ACCSL: variants seen among roughly 807,000 people sequenced by gnomAD.
ACCSL encodes the protein 1-aminocyclopropane-1-carboxylate synthase homolog (inactive) like, also known as probable inactive 1-aminocyclopropane-1-carboxylate synthase-like protein 2.
ACCSL carries 55 observed loss-of-function variants against 61.7 expected under a neutral mutation model. That is an observed-to-expected ratio of 0.89 (90% CI 0.72 to 1.12). The LOEUF (loss-of-function observed/expected upper bound fraction) is 1.12. ACCSL is among the 50% of genes most tolerant of loss of function. The pLI, the probability that ACCSL is intolerant of heterozygous loss-of-function variation, is 0.00. For synonymous variants in ACCSL, 258 were observed against 264.3 expected (o/e 0.98, Z 0.23); for missense variants, 632 against 698.0 (o/e 0.91, Z 1.07).
chr11:43,944,030 C>A, the ACCSL span: 1 of 438,812 alleles, frequency 2.3e-6, no homozygotes, highest in Non-Finnish European at 3.9e-6. Flanking sequence ...AACGAGGTTG[C>A]GCCACCGGTG....
chr11:43,925,719 C>T, the ACCSL span, among the ~76,000 whole-genome samples: 1 of 152,078 alleles, frequency 6.6e-6, no homozygotes, highest in Non-Finnish European at 1.5e-5. Flanking sequence ...TGGAAGGAGC[C>T]TAGGCTTCAG....
the ACCSL span, among the ~76,000 whole-genome samples, chr11:44,025,137 G>A: frequency 1.3e-5 from 2 of 151,992 alleles, no homozygotes. Flanking sequence ...CCTTTTGCTT[G>A]GAGTATTTAA....
At chr11:44,049,916 G>C in intron 1 of ACCSL, 146 bp from the exon 2 acceptor site, 2 of 1,080,238 alleles carry the variant, frequency 1.9e-6, no homozygotes, top group South Asian at 2.7e-5. Flanking sequence ...TGGGTTCATG[G>C]AAAGCTTTCC....
the ACCSL span, among the ~76,000 whole-genome samples, chr11:44,014,029 C>T: frequency 2.0e-5 from 3 of 152,202 alleles, no homozygotes; most frequent in African/African-American, 4.8e-5. Flanking sequence ...AGCAGCACAG[C>T]GCCTTCCTGA....
At chr11:43,960,243 A>T in the ACCSL span, among the ~76,000 whole-genome samples, 1 of 152,226 alleles carries the variant, frequency 6.6e-6, no homozygotes, top group Non-Finnish European at 1.5e-5. Flanking sequence ...TTAGTCTGCC[A>T]TGGAATGCCA....
At chr11:43,970,957 A>G in the ACCSL span, among the ~76,000 whole-genome samples, 1 of 152,230 alleles carries the variant, frequency 6.6e-6, no homozygotes, top group Non-Finnish European at 1.5e-5. Flanking sequence ...GAACCCTTCT[A>G]TAGAAAGCTG....
chr11:44,006,651 A>G, the ACCSL span, among the ~76,000 whole-genome samples: 1 of 151,750 alleles, frequency 6.6e-6, no homozygotes, highest in African/African-American at 2.4e-5. Flanking sequence ...GATTAGAGAC[A>G]CGCACCATCA....
At chr11:44,006,351 G>A in the ACCSL span, among the ~76,000 whole-genome samples, 1 of 152,202 alleles carries the variant, frequency 6.6e-6, no homozygotes, top group Non-Finnish European at 1.5e-5. Context: ...TTCCAGCTCT[G>A]GGTGCTAGCT....
chr11:44,051,660 T>C lies in ACCSL; in HGVS notation c.713T>C (p.Val238Ala). The change falls in exon 5 of 14, where the codon GTT becomes GCT. Residue 238 changes from valine to alanine, a missense_variant. Coordinates refer to ENST00000378832, the MANE Select transcript of ACCSL (RefSeq NM_001031854.2). Reference protein sequence around the residue: ...PTRLDPENVVVLNGCCSVFCA... With the variant: ...PTRLDPENVVALNGCCSVFCA... Reference sequence around the variant, plus strand: ...CTCATGTGTTGTCTTCAGGTGGTGGTTCTAAATGGCTGCTGCTCTGTCTTC... The same window carrying C: ...CTCATGTGTTGTCTTCAGGTGGTGGCTCTAAATGGCTGCTGCTCTGTCTTC... The C allele has an allele frequency of 6.2e-7, 1 of 1,614,148 alleles. No individual in the cohort carries two copies.
chr11:43,988,457 C>T, the ACCSL span, among the ~76,000 whole-genome samples: 13 of 150,618 alleles, frequency 8.6e-5, no homozygotes, highest in South Asian at 4.2e-4. Context: ...GAGGGTGTTA[C>T]GGAGCCATGG....
the ACCSL span, among the ~76,000 whole-genome samples, chr11:43,978,160 C>T: frequency 6.6e-6 from 1 of 151,976 alleles, no homozygotes; most frequent in African/African-American, 2.4e-5. Flanking sequence ...CAGTCATCTG[C>T]CACCACGCCC....
the ACCSL span, among the ~76,000 whole-genome samples, chr11:43,962,781 A>C: frequency 6.6e-6 from 1 of 152,238 alleles, no homozygotes; most frequent in African/African-American, 2.4e-5. Flanking sequence ...ATAGACTTGA[A>C]AGCTAATAAA....
the ACCSL span, among the ~76,000 whole-genome samples, chr11:43,966,574 C>G: frequency 3.3e-5 from 5 of 152,054 alleles, no homozygotes; most frequent in South Asian, 1.0e-3. Context: ...GTAAAGAACT[C>G]TTACAACTCA....
At chr11:44,022,922 G>A in the ACCSL span, among the ~76,000 whole-genome samples, 1 of 151,810 alleles carries the variant, frequency 6.6e-6, no homozygotes, top group South Asian at 2.1e-4. Context: ...TAAATGTTTA[G>A]TAGAATTCAC....
chr11:43,978,416 C>T, the ACCSL span, among the ~76,000 whole-genome samples: 26,996 of 152,078 alleles, frequency 0.18, 2,703 homozygotes, highest in East Asian at 0.22. Context: ...CCCTAACATA[C>T]GGCAATTTCA....
chr11:43,954,381 T>G, the ACCSL span, among the ~76,000 whole-genome samples: 3 of 151,910 alleles, frequency 2.0e-5, no homozygotes, highest in Non-Finnish European at 1.5e-5. Flanking sequence ...CCAAGCGGGT[T>G]TTCTGGTCTG....
chr11:43,989,051 C>T, the ACCSL span, among the ~76,000 whole-genome samples: 13 of 152,154 alleles, frequency 8.5e-5, no homozygotes, highest in South Asian at 2.1e-3. Context: ...GTTTTCTTCA[C>T]GGGGAGCTGG....
At chr11:43,957,539 C>T in the ACCSL span, among the ~76,000 whole-genome samples, 2 of 152,152 alleles carry the variant, frequency 1.3e-5, no homozygotes, top group Non-Finnish European at 2.9e-5. Flanking sequence ...AGGCGTCAGA[C>T]TCTCTGGAAA....
At chr11:44,051,304 A>G in intron 3 of ACCSL, 31 bp from the exon 4 acceptor site, 1 of 1,613,328 alleles carries the variant, frequency 6.2e-7, no homozygotes, top group Non-Finnish European at 8.5e-7. Flanking sequence ...GGGGCCCGGA[A>G]GCCACAAGGT....
Sources: gnomAD v4.1 joint callset for allele counts (sites outside exome capture counted in the v4.1 genomes callset) on GRCh38, gnomAD v4.1.1 for gene constraint, MANE v1.5 for transcripts, NCBI Gene and HGNC (gene_info 2026-07-23, HGNC 2026-07-21) for gene names.